Variants in NCR1 observed in about 807,000 individuals in gnomAD.
NCR1 encodes the protein NK cell-activating receptor.
A neutral mutation model predicts 32.5 loss-of-function variants in NCR1; 30 were observed. The ratio of observed to expected loss-of-function variants is 0.92; its 90% CI spans 0.69 to 1.25. The LOEUF (loss-of-function observed/expected upper bound fraction) is 1.25. Ranked by LOEUF, NCR1 falls within the 50% of genes most tolerant of loss-of-function variation. The probability of loss-of-function intolerance (pLI) is 0.00; values close to 1 mark genes in which losing one functional copy is unlikely to be tolerated. For synonymous variants in NCR1, 169 were observed against 143.4 expected (o/e 1.18, Z -1.28); for missense variants, 369 against 380.7 (o/e 0.97, Z 0.26).
In NCR1 at chr19:54,910,078, T is replaced by C. The variant is rs1270432501; in HGVS notation, c.682+13T>C. On this transcript the variant is annotated intron_variant, in intron 5 of 6. Transcript: ENST00000291890. ...CCCACCTTTCCTGGTGAGTAACTGG[T>C]CCTTCTAAGCTCAGACGAGCGATCA... The C allele has an allele frequency of 6.2e-7, 1 of 1,613,028 alleles. No individual in the cohort carries two copies.
chr19:54,906,709 C>G lies in NCR1; in HGVS notation c.257C>G (p.Pro86Arg). The stretch of plus-strand genomic sequence containing the variant: ...ATTAACAAAGTCCAATTCTACATCC[C>G]GGACATGAACTCCCGCATGGCAGGG... The part of the protein sequence containing the change: ...ERINKVQFYI[P>R]DMNSRMAGQY... The change falls in exon 3 of 7, where the codon CCG (proline) becomes CGG (arginine). Residue 86 changes from proline to arginine, a missense_variant. Coordinates refer to ENST00000291890, the MANE Select transcript of NCR1 (RefSeq NM_004829.7). 1.2e-6 allele frequency: 2 copies of G among 1,614,206 alleles called. No homozygotes were observed. Among genetic ancestry groups the G allele is most frequent in the South Asian group, 1.1e-5 (1 of 91,088 alleles).
chr19:54,922,809 AAC>A, the NCR1 span, among the ~76,000 whole-genome samples: 1 of 145,828 alleles, frequency 6.9e-6, no homozygotes, highest in African/African-American at 2.6e-5. Flanking sequence ...AAAACGAAAG[AAC>A]AGAGAGACAC....
chr19:54,918,082 C>T (rs1248785141), downstream of NCR1, among the ~76,000 whole-genome samples: 1 of 151,768 alleles, frequency 6.6e-6, no homozygotes, highest in Non-Finnish European at 1.5e-5. Context: ...ACTACAGGCG[C>T]CCGCCACCTA....
chr19:54,923,677 A>G, the NCR1 span: 1 of 1,586,614 alleles, frequency 6.3e-7, no homozygotes, highest in Non-Finnish European at 8.6e-7. Context: ...ACCTGCATTC[A>G]TAAGACATCT....
chr19:54,936,221 G>A, the NCR1 span: 172 of 1,578,130 alleles, frequency 1.1e-4, no homozygotes, highest in African/African-American at 1.8e-3. Context: ...CGGTGCAGTG[G>A]ACTCCAGGTG....
At chr19:54,933,028 A>T in the NCR1 span, among the ~76,000 whole-genome samples, 1 of 152,170 alleles carries the variant, frequency 6.6e-6, no homozygotes, top group African/African-American at 2.4e-5. Context: ...GAAAGAACAC[A>T]CACAAAGCAT....
chr19:54,901,457 A>G (rs1315617672), upstream of NCR1, among the ~76,000 whole-genome samples: 1 of 151,766 alleles, frequency 6.6e-6, no homozygotes, highest in Non-Finnish European at 1.5e-5. Context: ...CATCTCAAAC[A>G]TGGCTTAGAG....
At chr19:54,928,872 G>A in the NCR1 span, among the ~76,000 whole-genome samples, 22 of 151,730 alleles carry the variant, frequency 1.4e-4, no homozygotes, top group Admixed American at 1.3e-3. Flanking sequence ...GCGTGATCTC[G>A]GCTCACTGCA....
the NCR1 span, among the ~76,000 whole-genome samples, chr19:54,924,524 G>A: frequency 3.3e-5 from 5 of 152,046 alleles, no homozygotes; most frequent in South Asian, 2.1e-4. Flanking sequence ...CTCGGGAGGC[G>A]GAGGCAAGAG....
chr19:54,909,897 C>T (rs1286507717), intron 4 of NCR1, 121 bp from the exon 5 acceptor site: 8 of 819,116 alleles, frequency 9.8e-6, no homozygotes, highest in Non-Finnish European at 1.5e-5. Flanking sequence ...ATCATACCAC[C>T]GCACTGCAAC....
the NCR1 span, among the ~76,000 whole-genome samples, chr19:54,921,504 G>A: frequency 6.6e-6 from 1 of 152,164 alleles, no homozygotes; most frequent in Non-Finnish European, 1.5e-5. Flanking sequence ...AGGCACAGTG[G>A]CTCACGCCTG....
At chr19:54,903,156 A>G (rs1407404292), upstream of NCR1, among the ~76,000 whole-genome samples, 2 of 151,574 alleles carry the variant, frequency 1.3e-5, no homozygotes, top group African/African-American at 2.4e-5. Context: ...GAATTAGCAC[A>G]TTTGTTTGCC....
chr19:54,910,607 A>G (rs1219608098), intron 5 of NCR1, among the ~76,000 whole-genome samples: 1 of 152,132 alleles, frequency 6.6e-6, no homozygotes, highest in Non-Finnish European at 1.5e-5. Flanking sequence ...ATATATATAT[A>G]TTCATCAAGT....
the NCR1 span, among the ~76,000 whole-genome samples, chr19:54,936,929 T>G: frequency 7.1e-6 from 1 of 141,332 alleles, no homozygotes; most frequent in Non-Finnish European, 1.5e-5. Flanking sequence ...GAAAAAAAAA[T>G]TCGCCGGGTG....
downstream of NCR1, among the ~76,000 whole-genome samples, chr19:54,913,966 G>C (rs1471951862): frequency 2.0e-5 from 3 of 151,506 alleles, no homozygotes; most frequent in African/African-American, 7.3e-5. Flanking sequence ...TACTCAGGAG[G>C]CTGAGGCAGG....
the NCR1 span, among the ~76,000 whole-genome samples, chr19:54,924,597 C>T: frequency 6.6e-6 from 1 of 151,970 alleles, no homozygotes; most frequent in African/African-American, 2.4e-5. Flanking sequence ...TGCACTCCAG[C>T]CTGGTAACAG....
downstream of NCR1, among the ~76,000 whole-genome samples, chr19:54,917,442 C>A (rs1408207911): frequency 6.6e-6 from 1 of 152,082 alleles, no homozygotes; most frequent in Non-Finnish European, 1.5e-5. Context: ...GCCTCAGCCC[C>A]CCAAGGAGCT....
At chr19:54,915,239 T>C (rs1271575383), downstream of NCR1, among the ~76,000 whole-genome samples, 2 of 152,060 alleles carry the variant, frequency 1.3e-5, no homozygotes, top group African/African-American at 2.4e-5. Flanking sequence ...AATGAGTGAA[T>C]GTATATACGG....
At chr19:54,899,271 C>T in the NCR1 span, among the ~76,000 whole-genome samples, 105 of 152,180 alleles carry the variant, frequency 6.9e-4, no homozygotes, top group African/African-American at 2.5e-3. Context: ...GGTCAAGCAG[C>T]ATTGCAGAAG....
Sources: allele counts gnomAD v4.1 joint callset (sites outside exome capture counted in the v4.1 genomes callset), GRCh38; gene constraint gnomAD v4.1.1; transcripts MANE v1.5; gene names NCBI Gene and HGNC (gene_info 2026-07-23, HGNC 2026-07-21).